The following CTDP1 variants were observed in gnomAD, a reference collection of about 807,000 sequenced individuals.
CTDP1 encodes the protein RNA polymerase II subunit A C-terminal domain phosphatase.
CTDP1 carries 47 observed loss-of-function variants against 91.8 expected under a neutral mutation model. That is an observed-to-expected ratio of 0.51 (90% CI 0.41 to 0.65). CTDP1 has a LOEUF of 0.65. Among genes scored for constraint, CTDP1 ranks in the 30% least tolerant of loss-of-function variants. The pLI is 0.00. For synonymous variants in CTDP1, 656 were observed against 598.5 expected (o/e 1.10, Z -1.40); for missense variants, 1,272 against 1,373.7 (o/e 0.93, Z 1.17).
At chr18:79,725,370 A>G (rs1219396192) in intron 10 of CTDP1, among the ~76,000 whole-genome samples, 1 of 152,196 alleles carries the variant, frequency 6.6e-6, no homozygotes, top group Non-Finnish European at 1.5e-5. Flanking sequence ...AGAATTCTCC[A>G]GTGAGACCGT....
rs776699037 is a variant in CTDP1, at chr18:79,695,325, G to C, written c.398+17G>C. On this transcript the variant is annotated intron_variant, in intron 2 of 12. Transcript: ENST00000613122. ...CCTCACCCAGTAAGTATCCGGAAGAGTGAGATCGCTGCCTGCTGGGGCTCG... is the reference window on the plus strand; with the variant it reads ...CCTCACCCAGTAAGTATCCGGAAGACTGAGATCGCTGCCTGCTGGGGCTCG... 2 of 1,612,396 alleles carry C rather than the reference G, an allele frequency of 1.2e-6. No individual in the cohort carries two copies. The highest frequency in any genetic ancestry group is 1.7e-6 in the Non-Finnish European group (2 of 1,178,540).
chr18:79,705,956 G>A (rs1297739139), intron 5 of CTDP1, among the ~76,000 whole-genome samples: 1 of 152,202 alleles, frequency 6.6e-6, no homozygotes, highest in Admixed American at 6.5e-5. Context: ...ATGCACAAGG[G>A]TGATATTGCT....
rs748633530 is a variant in CTDP1 at position 79,696,003 on chromosome 18, A to T, written c.425A>T (p.Gln142Leu). The stretch of plus-strand genomic sequence containing the variant: ...TTGCAGAGTAAGAACGGGAAGCAGC[A>T]GGTGCCGCTGTCCACGGCGACCGTG... ...TQLQSKNGKQ[Q>L]VPLSTATVSM... Residue 142 changes from glutamine to leucine, a missense_variant, in exon 3 of 13, where the codon CAG (glutamine) becomes CTG (leucine). Physicochemically the swap from Gln to Leu is moderately radical, Grantham distance 113. Around this residue, in one of 3 missense-constraint regions of CTDP1, gnomAD observed 177 missense variants for 283.0 expected, o/e 0.63. Transcript: ENST00000613122. The T allele has an allele frequency of 1.4e-5, 23 of 1,612,808 alleles. 1 individual carries two copies. In the South Asian group the frequency reaches 1.5e-4, roughly 11 times the overall value.
chr18:79,680,502 G>T (rs1219909224), intron 1 of CTDP1, among the ~76,000 whole-genome samples: 1 of 152,266 alleles, frequency 6.6e-6, no homozygotes, highest in Non-Finnish European at 1.5e-5. Context: ...GTTACTGTTT[G>T]GAAAAGCTAT....
chr18:79,715,852 AG>A (rs1052210228), intron 8 of CTDP1, among the ~76,000 whole-genome samples: 4 of 152,234 alleles, frequency 2.6e-5, no homozygotes, highest in Admixed American at 1.3e-4. Context: ...AATTCGAGGC[AG>A]GAACAGGAGT....
chr18:79,705,227 A>G (rs1182087291), intron 5 of CTDP1, among the ~76,000 whole-genome samples: 1 of 152,114 alleles, frequency 6.6e-6, no homozygotes, highest in South Asian at 2.1e-4. Context: ...ATCAGTTCAC[A>G]GGGACTTTGG....
At chr18:79,679,125 C>A, upstream of CTDP1, 1 of 270,082 alleles carries the variant, frequency 3.7e-6, no homozygotes, top group Non-Finnish European at 7.4e-6. Flanking sequence ...CGCTGCGGTC[C>A]GATTTTCTGA....
intron 7 of CTDP1, 131 bp from the exon 8 acceptor site, chr18:79,714,359 CA>C (rs1206037583): frequency 2.9e-6 from 3 of 1,021,488 alleles, no homozygotes; most frequent in Non-Finnish European, 4.5e-6. Flanking sequence ...CTCTTCACAG[CA>C]AGGTTGCCAA....
intron 12 of CTDP1, among the ~76,000 whole-genome samples, chr18:79,739,522 A>G (rs1027279841): frequency 2.6e-5 from 4 of 152,074 alleles, no homozygotes; most frequent in African/African-American, 9.7e-5. Flanking sequence ...TGGTGAAACC[A>G]CACGAGCATG....
At chr18:79,726,268 T>TA (rs2086442029) in intron 10 of CTDP1, among the ~76,000 whole-genome samples, 1 of 152,250 alleles carries the variant, frequency 6.6e-6, no homozygotes, top group Non-Finnish European at 1.5e-5. Flanking sequence ...CATTTGTTGC[T>TA]AGTCTGTCCA....
chr18:79,749,958 G>A (rs2086963258), intron 12 of CTDP1: 1 of 152,274 alleles, frequency 6.6e-6, no homozygotes, highest in South Asian at 2.1e-4. Context: ...TGACAGCGTC[G>A]TTAGTGTCAG....
chr18:79,682,991 C>G (rs2085405841), intron 1 of CTDP1: 1 of 152,148 alleles, frequency 6.6e-6, no homozygotes, highest in Non-Finnish European at 1.5e-5. Flanking sequence ...AAGGTTTTTC[C>G]TCTGTTTTTC....
rs745516538 is a variant in CTDP1 at position 79,753,706 on chromosome 18, G to C, written c.2802G>C (p.Glu934Asp). 5 of 1,614,026 alleles carry C rather than the reference G, an allele frequency of 3.1e-6. No individual in the cohort carries two copies. The highest frequency in any genetic ancestry group is 4.2e-6 in the Non-Finnish European group (5 of 1,179,994). ...ACGCCGCCAGCGAGTCCAGCAGGGA[G>C]TCCAGCAACGAGGATGAGGGCAGCA... ...EEDAASESSR[E>D]SSNEDEGSSS... Residue 934 changes from glutamate (E) to aspartate (D), a missense_variant, in exon 13 of 13, where the codon GAG becomes GAC. Around this residue, in one of 3 missense-constraint regions of CTDP1, gnomAD observed 881 missense variants for 911.6 expected, o/e 0.97. Coordinates refer to ENST00000613122, the MANE Select transcript of CTDP1 (RefSeq NM_004715.5).
At chr18:79,744,399 T>G (rs999371430) in intron 12 of CTDP1, among the ~76,000 whole-genome samples, 1 of 152,148 alleles carries the variant, frequency 6.6e-6, no homozygotes, top group Non-Finnish European at 1.5e-5. Context: ...CAGTATTCAC[T>G]TAATGCAAAA....
Position 79,695,228 on chromosome 18 carries a change from G to C in CTDP1, c.318G>C (p.Ala106=). The C allele has an allele frequency of 6.2e-7, 1 of 1,614,038 alleles. No individual in the cohort carries two copies. The change falls in exon 2 of 13, where the codon GCG becomes GCC. Residue 106 remains alanine (A), a synonymous_variant. Transcript: ENST00000613122. ...AQPGQVVAPG[A]VLVRLEGCSH... is the part of the protein sequence containing the mutation. Reference sequence around the variant, plus strand: ...TTCCCCTTGTGTTTTTTTGTAGAGCGGTTCTGGTGAGGTTGGAAGGATGCA... The same window carrying C: ...TTCCCCTTGTGTTTTTTTGTAGAGCCGTTCTGGTGAGGTTGGAAGGATGCA...
intron 8 of CTDP1, among the ~76,000 whole-genome samples, 178 bp downstream of exon 8, chr18:79,715,706 T>C (rs1048292449): frequency 5.3e-5 from 8 of 152,274 alleles, no homozygotes; most frequent in African/African-American, 1.9e-4. Context: ...GGCACGTTCA[T>C]GCTTTCAGAC....
At chr18:79,746,765 C>T (rs1013905678) in intron 12 of CTDP1, among the ~76,000 whole-genome samples, 4 of 152,158 alleles carry the variant, frequency 2.6e-5, no homozygotes, top group Non-Finnish European at 4.4e-5. Context: ...CACAGGTGCG[C>T]ACCACCATGC....
chr18:79,678,874 T>C (rs1444240594), upstream of CTDP1: 1 of 174,994 alleles, frequency 5.7e-6, no homozygotes, highest in Non-Finnish European at 1.2e-5. Context: ...AGATAGGGTC[T>C]TGCTACGTTG....
In CTDP1 at chr18:79,697,236, A is replaced by G. The variant is rs558742318; in HGVS notation, c.493-624A>G. Among the ~76,000 whole-genome samples, 16 of 152,278 alleles carry G rather than the reference A, an allele frequency of 1.1e-4. 1 individual carries two copies. In the East Asian group the frequency reaches 3.1e-3, roughly 29 times the overall value. The stretch of plus-strand genomic sequence containing the variant: ...GAGGTCCCCCCTGAGCGGGACCAGG[A>G]TTTTGTTGTGAAGAGTGAGGGCCAG... On this transcript the variant is annotated intron_variant, in intron 3 of 12. Transcript: ENST00000613122.
Sources: allele counts gnomAD v4.1 joint callset (sites outside exome capture counted in the v4.1 genomes callset), GRCh38; gene constraint gnomAD v4.1.1; regional missense constraint gnomAD v4.1.1; transcripts MANE v1.5; gene names NCBI Gene and HGNC (gene_info 2026-07-23, HGNC 2026-07-21).